Variants in USH2A observed in about 807,000 individuals in gnomAD.
The protein encoded by USH2A is Usher syndrome 2A (autosomal recessive, mild).
Under a neutral mutation model 538.9 loss-of-function variants are expected in USH2A, and 443 were observed. The observed-to-expected ratio is 0.82, with a 90% CI of 0.76 to 0.89. The LOEUF is 0.89. USH2A is among the 40% of genes least tolerant of loss of function. The pLI is 0.00. For synonymous variants in USH2A, 2,413 were observed against 2,273.5 expected (o/e 1.06, Z -1.75); for missense variants, 6,633 against 6,324.8 (o/e 1.05, Z -1.65).
chr1:216,119,058 A>G (rs1159448342), intron 21 of USH2A, among the ~76,000 whole-genome samples: 1 of 152,208 alleles, frequency 6.6e-6, no homozygotes, highest in South Asian at 2.1e-4. Context: ...ACAATACAGA[A>G]ATTAAAAATC....
At chr1:216,288,774 G>A (rs2036939012) in intron 11 of USH2A, among the ~76,000 whole-genome samples, 1 of 152,106 alleles carries the variant, frequency 6.6e-6, no homozygotes, top group Non-Finnish European at 1.5e-5. Context: ...GCTAGACATC[G>A]ATATTTGTGA....
intron 3 of USH2A, among the ~76,000 whole-genome samples, chr1:216,367,615 T>A (rs2038624252): frequency 6.6e-6 from 1 of 152,152 alleles, no homozygotes; most frequent in African/African-American, 2.4e-5. Context: ...ATATTTTCAC[T>A]TTATAGGTAC....
chr1:215,945,326 G>A (rs1201706164), intron 37 of USH2A, among the ~76,000 whole-genome samples: 2 of 152,058 alleles, frequency 1.3e-5, no homozygotes, highest in Non-Finnish European at 2.9e-5. Flanking sequence ...AAAAGACCTA[G>A]GCTGGATACC....
chr1:215,724,936 G>C (rs1189294510), intron 61 of USH2A, among the ~76,000 whole-genome samples: 2 of 152,170 alleles, frequency 1.3e-5, no homozygotes, highest in Non-Finnish European at 2.9e-5. Context: ...TGAACAAAGG[G>C]AGATAGACTT....
chr1:215,921,892 T>C (rs1189622576), intron 38 of USH2A, among the ~76,000 whole-genome samples: 3 of 152,100 alleles, frequency 2.0e-5, no homozygotes, highest in Non-Finnish European at 4.4e-5. Flanking sequence ...TAATAAATGC[T>C]ATCTTGGTAT....
intron 35 of USH2A, among the ~76,000 whole-genome samples, chr1:215,989,207 A>G (rs1251321433): frequency 6.6e-6 from 1 of 152,248 alleles, no homozygotes; most frequent in African/African-American, 2.4e-5. Flanking sequence ...GTGAACAAAC[A>G]TACCTTTAGG....
chr1:215,734,892 A>T (rs558290020), intron 60 of USH2A, among the ~76,000 whole-genome samples: 3 of 152,142 alleles, frequency 2.0e-5, no homozygotes. Context: ...CCAGTCTCTA[A>T]GAAGTTCCAA....
At chr1:215,844,273 A>G in intron 46 of USH2A, 21 bp downstream of exon 46, 1 of 1,611,638 alleles carries the variant, frequency 6.2e-7, no homozygotes, top group Non-Finnish European at 8.5e-7. Context: ...AAGCCTAACC[A>G]TCAAAAAACA....
At chr1:215,747,296 A>G (rs1660497659) in intron 58 of USH2A, among the ~76,000 whole-genome samples, 1 of 152,230 alleles carries the variant, frequency 6.6e-6, no homozygotes, top group African/African-American at 2.4e-5. Flanking sequence ...TTCTCCATAA[A>G]GAAACAGGAA....
intron 37 of USH2A, among the ~76,000 whole-genome samples, chr1:215,957,267 G>T (rs1430634323): frequency 1.3e-5 from 2 of 151,942 alleles, no homozygotes. Flanking sequence ...AATATCTTTT[G>T]TGCTGATTTA....
intron 21 of USH2A, among the ~76,000 whole-genome samples, chr1:216,130,612 CTATA>C (rs578222726): frequency 1.0e-3 from 150 of 143,456 alleles, no homozygotes; most frequent in African/African-American, 3.5e-3. Context: ...TGTATATATA[CTATA>C]TATATACATA....
At chr1:216,253,067 T>C (rs1445621903) in intron 11 of USH2A, among the ~76,000 whole-genome samples, 1 of 152,170 alleles carries the variant, frequency 6.6e-6, no homozygotes, top group Non-Finnish European at 1.5e-5. Flanking sequence ...AAACAATACT[T>C]TTTCAAAGAG....
At chr1:215,650,468 G>A (rs762386182) in intron 65 of USH2A, 124 bp downstream of exon 65, 70 of 1,169,494 alleles carry the variant, frequency 6.0e-5, no homozygotes, top group Non-Finnish European at 8.0e-5. Flanking sequence ...TAAGTTCACC[G>A]TAGAGCAACT....
chr1:215,847,764 T>C (rs1336950165), intron 44 of USH2A, among the ~76,000 whole-genome samples: 1 of 152,166 alleles, frequency 6.6e-6, no homozygotes, highest in Non-Finnish European at 1.5e-5. Flanking sequence ...GATCCCAGCA[T>C]ATGGCCATAT....
In USH2A at chr1:215,684,594, G is replaced by C. The variant is rs569245828; in HGVS notation, c.12067-4218C>G. Among the ~76,000 whole-genome samples, 7 of 152,180 alleles carry C rather than the reference G, an allele frequency of 4.6e-5. No homozygotes were observed. In the East Asian group the frequency reaches 1.2e-3, roughly 25 times the overall value. On this transcript the variant is annotated intron_variant, in intron 61 of 71. Transcript: ENST00000307340. ...TAGACCTTAGGAATCTTTTTACCCT[G>C]CTCCCAGTAATGAACCAAAACAATG...
intron 61 of USH2A, among the ~76,000 whole-genome samples, chr1:215,716,450 A>C (rs922366528): frequency 2.6e-5 from 4 of 152,240 alleles, no homozygotes; most frequent in Non-Finnish European, 5.9e-5. Context: ...ATCCTAAAAA[A>C]ACACAGAACC....
At chr1:216,258,286 T>A (rs1288053191) in intron 11 of USH2A, among the ~76,000 whole-genome samples, 2 of 152,112 alleles carry the variant, frequency 1.3e-5, no homozygotes, top group Non-Finnish European at 2.9e-5. Flanking sequence ...CTGTTGAGGC[T>A]AGACCCTTTT....
intron 21 of USH2A, among the ~76,000 whole-genome samples, chr1:216,167,379 A>G (rs1403801573): frequency 1.3e-5 from 2 of 152,152 alleles, no homozygotes; most frequent in Non-Finnish European, 2.9e-5. Flanking sequence ...GGTGATCAGC[A>G]GCTTCCCAAT....
chr1:215,793,164 G>T (rs1033887659), intron 50 of USH2A, among the ~76,000 whole-genome samples: 4 of 152,056 alleles, frequency 2.6e-5, no homozygotes, highest in Non-Finnish European at 5.9e-5. Flanking sequence ...GCATTTATAA[G>T]CATATCTGTT....
Sources: gnomAD v4.1 joint callset for allele counts (sites outside exome capture counted in the v4.1 genomes callset) on GRCh38, gnomAD v4.1.1 for gene constraint, MANE v1.5 for transcripts, NCBI Gene and HGNC (gene_info 2026-07-23, HGNC 2026-07-21) for gene names.